The following KIAA0232 variants were observed in gnomAD, a reference collection of about 807,000 sequenced individuals.
KIAA0232 encodes the protein KIAA0232.
A neutral mutation model predicts 122.0 loss-of-function variants in KIAA0232; 27 were observed. The ratio of observed to expected loss-of-function variants is 0.22; its 90% CI spans 0.16 to 0.31. The LOEUF (loss-of-function observed/expected upper bound fraction) is 0.31. Among genes scored for constraint, KIAA0232 ranks in the 10% least tolerant of loss-of-function variants. The pLI, the probability that KIAA0232 is intolerant of heterozygous loss-of-function variation, is 1.00. For missense variants in KIAA0232, 1,551 were observed against 1,634.2 expected (o/e 0.95, Z 0.88); for synonymous variants, 613 against 587.6 (o/e 1.04, Z -0.63).
intron 4 of KIAA0232, among the ~76,000 whole-genome samples, chr4:6,847,747 G>A (rs1180252453): frequency 6.6e-6 from 1 of 151,986 alleles, no homozygotes; most frequent in African/African-American, 2.4e-5. Context: ...TCCTCCAGAT[G>A]CATATTTTTT....
intron 3 of KIAA0232, among the ~76,000 whole-genome samples, chr4:6,833,816 T>G (rs1477392076): frequency 6.6e-6 from 1 of 151,908 alleles, no homozygotes; most frequent in Non-Finnish European, 1.5e-5. Flanking sequence ...ATCAGAAGGG[T>G]TATAGGGTGA....
chr4:6,876,284 A>G (rs1721751326), intron 8 of KIAA0232, among the ~76,000 whole-genome samples: 1 of 151,980 alleles, frequency 6.6e-6, no homozygotes, highest in African/African-American at 2.4e-5. Context: ...TGTCTCCTCC[A>G]TCCATTTGTT....
At chr4:6,824,054 A>G (rs887058624) in intron 2 of KIAA0232, 131 bp from the exon 3 acceptor site, 4 of 378,112 alleles carry the variant, frequency 1.1e-5, no homozygotes, top group Middle Eastern at 7.0e-4. Context: ...ATGGGGGGAA[A>G]AATCAGTGTT....
chr4:6,821,048 C>T (rs1433919847), intron 2 of KIAA0232, among the ~76,000 whole-genome samples: 1 of 152,150 alleles, frequency 6.6e-6, no homozygotes, highest in Non-Finnish European at 1.5e-5. Flanking sequence ...CTAATCACCT[C>T]TTAAAGGTCT....
intron 2 of KIAA0232, among the ~76,000 whole-genome samples, chr4:6,805,710 A>G (rs1286796263): frequency 6.6e-6 from 1 of 152,182 alleles, no homozygotes; most frequent in Admixed American, 6.5e-5. Context: ...ATAGTATTTT[A>G]TATGATAAAA....
chr4:6,821,764 G>A (rs1489974233), intron 2 of KIAA0232, among the ~76,000 whole-genome samples: 1 of 151,720 alleles, frequency 6.6e-6, no homozygotes, highest in African/African-American at 2.4e-5. Flanking sequence ...TGATTGATGG[G>A]CATTTGGGCT....
chr4:6,883,163 C>T lies in KIAA0232; in HGVS notation c.*2197C>T, dbSNP rs1722165576. The T allele has an allele frequency of 6.6e-6, 1 of 152,628 alleles. No homozygotes were observed. The highest frequency in any genetic ancestry group is 1.5e-5 in the Non-Finnish European group (1 of 68,028). The allele number at this position is 152,628 out of a possible 1,614,324, so 9.5% of individuals were successfully genotyped here. On this transcript the variant is annotated 3_prime_UTR_variant, in exon 10 of 10. Transcript: ENST00000307659. Reference sequence around the variant, plus strand: ...TGAATGGATGATCACAAAGAAAAAGCATTTTTAAAAAGTTGGCAAACGCTG... The same window carrying T: ...TGAATGGATGATCACAAAGAAAAAGTATTTTTAAAAAGTTGGCAAACGCTG...
At chr4:6,808,061 A>G (rs920173483) in intron 2 of KIAA0232, among the ~76,000 whole-genome samples, 5 of 152,104 alleles carry the variant, frequency 3.3e-5, no homozygotes, top group African/African-American at 1.2e-4. Context: ...GAGTGAGACT[A>G]TGTCTCAAAA....
At chr4:6,829,325 C>CCTTGTAATGAATAAGCGAT (rs1371383472) in intron 3 of KIAA0232, among the ~76,000 whole-genome samples, 1 of 152,130 alleles carries the variant, frequency 6.6e-6, no homozygotes, top group Non-Finnish European at 1.5e-5. Flanking sequence ...CCAGGTTTCT[C>CCTTGTAATGAATAAGCGAT]CTTGTAATGA....
At chr4:6,796,127 G>C (rs1358750221) in intron 1 of KIAA0232, among the ~76,000 whole-genome samples, 1 of 152,178 alleles carries the variant, frequency 6.6e-6, no homozygotes, top group African/African-American at 2.4e-5. Context: ...TAAAAGGAAA[G>C]TATCAGAAAC....
intron 1 of KIAA0232, among the ~76,000 whole-genome samples, chr4:6,798,401 T>C (rs1717231397): frequency 6.6e-6 from 1 of 152,216 alleles, no homozygotes; most frequent in African/African-American, 2.4e-5. Flanking sequence ...GGCCATCCCC[T>C]GCTCCTCACC....
At chr4:6,801,506 T>C (rs1232986399) in intron 1 of KIAA0232, among the ~76,000 whole-genome samples, 1 of 151,566 alleles carries the variant, frequency 6.6e-6, no homozygotes, top group East Asian at 1.9e-4. Flanking sequence ...CTGAGCAATG[T>C]AGTGCGACCC....
chr4:6,863,569 A>G lies in KIAA0232; in HGVS notation c.3187A>G (p.Ile1063Val). 6.2e-7 allele frequency: 1 copy of G among 1,614,130 alleles called. No homozygotes were observed. The highest frequency in any genetic ancestry group is 8.5e-7 in the Non-Finnish European group (1 of 1,180,040). ...HVECSFEPEG[I>V]ASFSPSFKPK... ...AGAATGCTCATTTGAACCTGAAGGG[A>G]TTGCATCTTTCAGCCCCAGTTTTAA... The change falls in exon 7 of 10, where the codon ATT (isoleucine) becomes GTT (valine). Residue 1063 changes from isoleucine (I) to valine (V), a missense_variant. Coordinates refer to ENST00000307659, the MANE Select transcript of KIAA0232 (RefSeq NM_014743.3).
intron 3 of KIAA0232, 131 bp downstream of exon 3, chr4:6,824,815 AC>A: frequency 1.3e-6 from 1 of 745,920 alleles, no homozygotes; most frequent in Non-Finnish European, 2.2e-6. Flanking sequence ...CCTGTCAGTG[AC>A]CAGATGGTAA....
chr4:6,848,442 C>T (rs1039661271), intron 4 of KIAA0232, among the ~76,000 whole-genome samples: 1 of 152,178 alleles, frequency 6.6e-6, no homozygotes, highest in Non-Finnish European at 1.5e-5. Context: ...CTGTGCTGAA[C>T]ACATACAGAC....
At chr4:6,836,528 CTT>C (rs1323217192) in intron 3 of KIAA0232, among the ~76,000 whole-genome samples, 1 of 95,696 alleles carries the variant, frequency 1.0e-5, no homozygotes, top group African/African-American at 3.8e-5. Flanking sequence ...TGTCCTTTTT[CTT>C]TTTTTTTTTT....
chr4:6,835,547 C>T (rs1295651602), intron 3 of KIAA0232, among the ~76,000 whole-genome samples: 2 of 152,170 alleles, frequency 1.3e-5, no homozygotes, highest in Non-Finnish European at 2.9e-5. Flanking sequence ...ATACATCTGC[C>T]ATGTTGGTTT....
intron 1 of KIAA0232, among the ~76,000 whole-genome samples, chr4:6,791,387 A>G (rs1193238729): frequency 7.8e-6 from 1 of 127,914 alleles, no homozygotes; most frequent in Non-Finnish European, 1.5e-5. Flanking sequence ...GTGCAGTGGC[A>G]CAATTATGGC....
intron 4 of KIAA0232, among the ~76,000 whole-genome samples, chr4:6,844,882 T>C (rs1483684500): frequency 1.3e-5 from 2 of 152,180 alleles, no homozygotes; most frequent in South Asian, 2.1e-4. Context: ...AATAGAAATA[T>C]ATGTAAAGGA....
Sources: gnomAD v4.1 joint callset for allele counts (sites outside exome capture counted in the v4.1 genomes callset) on GRCh38, gnomAD v4.1.1 for gene constraint, MANE v1.5 for transcripts, NCBI Gene and HGNC (gene_info 2026-07-23, HGNC 2026-07-21) for gene names.